CAPN1: variants seen among roughly 807,000 people sequenced by gnomAD.
CAPN1 encodes the protein calpain-1 catalytic subunit.
In CAPN1, 77 loss-of-function variants were observed where a neutral mutation model predicts 105.2. The observed-to-expected ratio is 0.73, with a 90% confidence interval of 0.61 to 0.88. The LOEUF (loss-of-function observed/expected upper bound fraction) is 0.88, where lower values mean the gene tolerates loss of function less well. CAPN1 is among the 40% of genes least tolerant of loss of function. The pLI, the probability that CAPN1 is intolerant of heterozygous loss-of-function variation, is 0.00. For missense variants in CAPN1, 833 were observed against 976.6 expected, an observed-to-expected ratio of 0.85 and a Z score of 1.96; for synonymous variants, 355 against 388.8, an observed-to-expected ratio of 0.91 and a Z score of 1.02.
Position 65,186,307 on chromosome 11 carries a change from A to C in CAPN1, c.728A>C (p.Glu243Ala), listed in dbSNP as rs776818049. 19 of 1,613,130 alleles carry C rather than the reference A, an allele frequency of 1.2e-5. No homozygotes were observed. The highest frequency in any genetic ancestry group is 1.7e-5 in the Admixed American group (1 of 59,914). ...TACCAGATCATCCTCAAGGCGCTGG[A>C]GCGGGGCTCCCTGCTGGGCTGCTCC... The part of the protein sequence containing the change: ...DLYQIILKAL[E>A]RGSLLGCSID... Residue 243 changes from glutamate to alanine, a missense_variant, in exon 6 of 22, where the codon GAG becomes GCG. Physicochemically the swap from Glu to Ala is moderately radical, Grantham distance 107. Transcript: ENST00000279247.
intron 4 of CAPN1, among the ~76,000 whole-genome samples, chr11:65,185,423 C>G (rs1308917996): frequency 6.6e-6 from 1 of 151,890 alleles, no homozygotes; most frequent in Non-Finnish European, 1.5e-5. Context: ...TCGTTCAGAC[C>G]TTTAAAGGGT....
chr11:65,191,359 C>T (rs915582707), intron 10 of CAPN1, among the ~76,000 whole-genome samples: 1 of 152,090 alleles, frequency 6.6e-6, no homozygotes, highest in Non-Finnish European at 1.5e-5. Context: ...ATGCATTTGA[C>T]CTTTTAGATG....
chr11:65,208,356 G>A lies in CAPN1; in HGVS notation c.1729+94G>A. ...CACATTGAGCTGAACCTCATCCCTT[G>A]GTCTGCATGAGTCGGGGAATCCTCC... On this transcript the variant is annotated intron_variant, in intron 16 of 21. Coordinates refer to ENST00000279247, the MANE Select transcript of CAPN1 (RefSeq NM_005186.4). The surrounding 1 kb of genome is among the most constrained non-coding windows in gnomAD (Gnocchi z 4.1). 8.2e-7 allele frequency: 1 copy of A among 1,218,290 alleles called. No homozygotes were observed. The highest frequency in any genetic ancestry group is 1.2e-6 in the Non-Finnish European group (1 of 845,352). The allele number at this position is 1,218,290 out of a possible 1,614,324, so 75.5% of individuals were successfully genotyped here. A position where few individuals can be genotyped will look rare whatever the true frequency, so the allele number is the denominator to read the frequency against.
At chr11:65,182,596 T>G in intron 1 of CAPN1, 105 bp from the exon 2 acceptor site, 2 of 1,264,950 alleles carry the variant, frequency 1.6e-6, no homozygotes, top group Non-Finnish European at 2.1e-6. Flanking sequence ...AAACCCTAGG[T>G]TTGGGGATGG....
chr11:65,210,146 C>A lies in CAPN1; in HGVS notation c.1942+50C>A. On this transcript the variant is annotated intron_variant, in intron 19 of 21. Coordinates refer to ENST00000279247, the MANE Select transcript of CAPN1 (RefSeq NM_005186.4). This position sits in a 1 kb window ranked among gnomAD's most constrained non-coding sequence, Gnocchi z 4.3. The stretch of plus-strand genomic sequence containing the variant: ...CTGTGGGGCCCAGGACAGGTAGCCC[C>A]ACTGCTCCTATGCCCCAGGCCCTTG... The A allele has an allele frequency of 6.8e-7, 1 of 1,474,886 alleles. No homozygotes were observed. The highest frequency in any genetic ancestry group is 9.5e-7 in the Non-Finnish European group (1 of 1,055,194). The allele number at this position is 1,474,886 out of a possible 1,614,324, so 91.4% of individuals were successfully genotyped here. A position where few individuals can be genotyped will look rare whatever the true frequency, so the allele number is the denominator to read the frequency against.
Position 65,182,912 on chromosome 11 carries a change from A to C in CAPN1, c.211A>C (p.Lys71Gln), listed in dbSNP as rs1391539297. The C allele has an allele frequency of 6.2e-7, 1 of 1,611,120 alleles. No individual in the cohort carries two copies. Among genetic ancestry groups the C allele is most frequent in the Non-Finnish European group, 8.5e-7 (1 of 1,178,702 alleles). The change falls in exon 2 of 22, where the codon AAG (lysine) becomes CAG (glutamine). Residue 71 changes from lysine (K) to glutamine (Q), a missense_variant. Transcript: ENST00000279247. ...FPPVPQSLGY[K>Q]DLGPNSSKTY... is the part of the protein sequence containing the mutation. Reference sequence around the variant, plus strand: ...CCCGGTACCCCAGAGCCTGGGTTACAAGGACCTGGGTCCCAATTCCTCCAA... The same window carrying C: ...CCCGGTACCCCAGAGCCTGGGTTACCAGGACCTGGGTCCCAATTCCTCCAA...
chr11:65,198,296 C>A (rs1002833784), intron 10 of CAPN1, among the ~76,000 whole-genome samples: 7 of 152,050 alleles, frequency 4.6e-5, no homozygotes, highest in Admixed American at 2.6e-4. Flanking sequence ...AGGTGCACAC[C>A]ACCATGCCTG....
chr11:65,205,701 C>T lies in CAPN1; in HGVS notation c.1342-9C>T. 1 of 1,613,582 alleles carries T rather than the reference C, an allele frequency of 6.2e-7. No individual in the cohort carries two copies. The highest frequency in any genetic ancestry group is 8.5e-7 in the Non-Finnish European group (1 of 1,179,580). On this transcript the variant is annotated splice_polypyrimidine_tract_variant and intron_variant, in intron 11 of 21. Coordinates refer to ENST00000279247, the MANE Select transcript of CAPN1 (RefSeq NM_005186.4). ...CACATCTCTGACTTCCCCTGTCTCT[C>T]TATTGCAGGTCCCTCCGGAGGTAGG...
upstream of CAPN1, chr11:65,181,671 C>G (rs550389675): frequency 5.9e-6 from 2 of 339,782 alleles, no homozygotes; most frequent in Non-Finnish European, 1.2e-5. This position sits in a 1 kb window ranked among gnomAD's most constrained non-coding sequence, Gnocchi z 4.6. Context: ...GCGCCCCAGC[C>G]CCCCCATCCC....
rs200853785 is a variant in CAPN1, at chr11:65,185,991, C to T, written c.531C>T (p.Phe177=). Residue 177 remains phenylalanine (F), a synonymous_variant, in exon 5 of 22, where the codon TTC becomes TTT. Coordinates refer to ENST00000279247, the MANE Select transcript of CAPN1 (RefSeq NM_005186.4). ...LLPIKDGKLV[F]VHSAEGNEFW... ...CCATCAAGGACGGGAAGCTAGTGTT[C>T]GTGCACTCTGCCGAAGGCAACGAGT... 6.3e-5 allele frequency: 101 copies of T among 1,607,076 alleles called. No homozygotes were observed. The East Asian group carries it at 8.1e-4, about 13-fold the overall frequency.
chr11:65,183,427 C>T (rs575853678), intron 3 of CAPN1, 47 bp from the exon 4 acceptor site: 90 of 1,436,128 alleles, frequency 6.3e-5, no homozygotes, highest in East Asian at 3.9e-4. Context: ...CTTCCCCCCC[C>T]GGGGCAGGTT....
intron 10 of CAPN1, among the ~76,000 whole-genome samples, chr11:65,201,675 G>A (rs1195732): frequency 0.29 from 43,845 of 150,736 alleles, 7,201 homozygotes; most frequent in Non-Finnish European, 0.4. Context: ...CTGCCACCAC[G>A]CCCGGCTAAT....
At chr11:65,196,669 T>C (rs1948796636) in intron 10 of CAPN1, among the ~76,000 whole-genome samples, 1 of 152,192 alleles carries the variant, frequency 6.6e-6, no homozygotes, top group Admixed American at 6.5e-5. Flanking sequence ...ATATGTACAT[T>C]TTTCATGGCC....
chr11:65,201,601 T>C (rs1024055344), intron 10 of CAPN1, among the ~76,000 whole-genome samples: 1 of 152,034 alleles, frequency 6.6e-6, no homozygotes, highest in Non-Finnish European at 1.5e-5. Flanking sequence ...CACTGCAAGC[T>C]CCGCCTCCCA....
In CAPN1 at chr11:65,208,025, C is replaced by G. The variant is rs1206924756; in HGVS notation, c.1606-30C>G. ...CCACACGGGCAGGGCCGGGGCCTCT[C>G]TTACCTGCTTTCTCCCCTTCTCGGT... On this transcript the variant is annotated intron_variant, in intron 14 of 21. Coordinates refer to ENST00000279247, the MANE Select transcript of CAPN1 (RefSeq NM_005186.4). This position sits in a 1 kb window ranked among gnomAD's most constrained non-coding sequence, Gnocchi z 4.1. The G allele has an allele frequency of 5.1e-6, 8 of 1,559,198 alleles. No homozygotes were observed. The highest frequency in any genetic ancestry group is 2.7e-5 in the African/African-American group (2 of 73,632).
intron 4 of CAPN1, 69 bp from the exon 5 acceptor site, chr11:65,185,848 T>G: frequency 6.7e-7 from 1 of 1,491,424 alleles, no homozygotes; most frequent in Non-Finnish European, 9.1e-7. Flanking sequence ...TCTAGGAAGG[T>G]AGGGGTAAGG....
rs11318083 is a variant in CAPN1, at chr11:65,188,147, AG to A, written c.929+111del. On this transcript the variant is annotated intron_variant, in intron 8 of 21. Transcript: ENST00000279247. This position sits in a 1 kb window ranked among gnomAD's most constrained non-coding sequence, Gnocchi z 5.5. The stretch of plus-strand genomic sequence containing the variant: ...CCAGGCTGGACTCAGGATTGAGCAG[AG>A]GGGCCCATCTTCGCGCGACTGGGTC... The A allele has an allele frequency of 0.054, 45,260 of 835,114 alleles. 1,623 individuals carry two copies. The highest frequency in any genetic ancestry group is 0.13 in the Middle Eastern group (366 of 2,796). The allele number at this position is 835,114 out of a possible 1,614,324, so 51.7% of individuals were successfully genotyped here. A position where few individuals can be genotyped will look rare whatever the true frequency, so the allele number is the denominator to read the frequency against.
At chr11:65,207,289 T>C (rs924200607) in intron 14 of CAPN1, among the ~76,000 whole-genome samples, 19 of 149,504 alleles carry the variant, frequency 1.3e-4, no homozygotes, top group African/African-American at 4.7e-4. Flanking sequence ...AACCTCCGTC[T>C]CCTGGGTTCA....
chr11:65,201,728 C>G (rs1202126986), intron 10 of CAPN1, among the ~76,000 whole-genome samples: 2 of 151,974 alleles, frequency 1.3e-5, no homozygotes, highest in Non-Finnish European at 2.9e-5. Flanking sequence ...CCGTGTTAGC[C>G]AGGATGGTCT....
Sources: allele counts gnomAD v4.1 joint callset (sites outside exome capture counted in the v4.1 genomes callset), GRCh38; gene constraint gnomAD v4.1.1; non-coding constraint Gnocchi (gnomAD v3.1); transcripts MANE v1.5; gene names NCBI Gene and HGNC (gene_info 2026-07-23, HGNC 2026-07-21).